Variants in STIM1 observed in about 807,000 individuals in gnomAD.
STIM1 encodes the protein stromal interaction molecule 1.
STIM1 carries 25 observed loss-of-function variants against 74.7 expected under a neutral mutation model. The observed-to-expected ratio is 0.33, with a 90% CI of 0.24 to 0.47. STIM1 has a LOEUF of 0.47. Ranked by LOEUF, STIM1 falls within the 20% of genes least tolerant of loss-of-function variation. The pLI is 1.00. For missense variants in STIM1, 728 were observed against 920.8 expected (o/e 0.79, Z 2.71); for synonymous variants, 328 against 348.8 (o/e 0.94, Z 0.66).
intron 4 of STIM1, chr11:4,058,781 AT>A (rs1301741775): frequency 5.1e-6 from 5 of 985,236 alleles, no homozygotes; most frequent in East Asian, 1.1e-4. Flanking sequence ...GTTAATTAAA[AT>A]TTTTTTTCCT....
At chr11:3,948,932 A>G (rs557166110) in intron 1 of STIM1, among the ~76,000 whole-genome samples, 58 of 152,360 alleles carry the variant, frequency 3.8e-4, no homozygotes, top group African/African-American at 1.3e-3. Flanking sequence ...TAGTTAGACA[A>G]TTACAACAAA....
intron 1 of STIM1, among the ~76,000 whole-genome samples, chr11:3,869,962 C>T (rs1204631597): frequency 6.6e-6 from 1 of 152,020 alleles, no homozygotes; most frequent in East Asian, 1.9e-4. Flanking sequence ...GAGTGTGGGT[C>T]ATGAAGAGAC....
chr11:4,070,039 T>G lies in STIM1; in HGVS notation c.627T>G (p.Asn209Lys). Residue 209 changes from asparagine (N) to lysine (K), a missense_variant, in exon 6 of 13, where the codon AAT becomes AAG. Coordinates refer to ENST00000526596, the MANE Select transcript of STIM1 (RefSeq NM_001382567.1). The part of the protein sequence containing the change: ...LFGPPLLTRH[N>K]HLKDFMLVVS... ...CCTCTCTGGCAGTGACTCGCCATAA[T>G]CACCTCAAGGACTTCATGCTGGTGG... 6.2e-7 allele frequency: 1 copy of G among 1,614,156 alleles called. No homozygotes were observed.
intron 3 of STIM1, among the ~76,000 whole-genome samples, chr11:4,028,727 A>C (rs903391309): frequency 6.6e-6 from 1 of 152,056 alleles, no homozygotes; most frequent in Admixed American, 6.6e-5. Flanking sequence ...CTTAAGTGGT[A>C]ATTTCTTTCC....
At chr11:4,009,233 T>G (rs1291287185) in intron 2 of STIM1, among the ~76,000 whole-genome samples, 1 of 151,144 alleles carries the variant, frequency 6.6e-6, no homozygotes, top group African/African-American at 2.4e-5. Context: ...AGGCGGAGCT[T>G]GCAGTGAGCT....
intron 1 of STIM1, among the ~76,000 whole-genome samples, chr11:3,908,832 T>C (rs1360749169): frequency 6.6e-6 from 1 of 152,162 alleles, no homozygotes; most frequent in Non-Finnish European, 1.5e-5. Flanking sequence ...CATTGCTCAT[T>C]CACTCACTTG....
chr11:4,005,301 G>C (rs1243159644), intron 2 of STIM1, among the ~76,000 whole-genome samples: 2 of 152,060 alleles, frequency 1.3e-5, no homozygotes, highest in South Asian at 2.1e-4. Flanking sequence ...TATTGTGGCA[G>C]TATTCACAAT....
chr11:3,883,318 A>G (rs1390508872), intron 1 of STIM1, among the ~76,000 whole-genome samples: 3 of 151,848 alleles, frequency 2.0e-5, no homozygotes, highest in Non-Finnish European at 4.4e-5. Context: ...GCTCCCTTCT[A>G]TGAACATCTC....
At chr11:4,088,321 A>T (rs2094504657) in intron 12 of STIM1, among the ~76,000 whole-genome samples, 1 of 152,104 alleles carries the variant, frequency 6.6e-6, no homozygotes, top group Non-Finnish European at 1.5e-5. Context: ...TCTGGGCTGC[A>T]GTCTGCTTAC....
intron 8 of STIM1, 80 bp from the exon 9 acceptor site, chr11:4,082,802 C>T: frequency 8.4e-7 from 1 of 1,189,704 alleles, no homozygotes; most frequent in Non-Finnish European, 1.3e-6. Context: ...GAGTGGGCCC[C>T]AGCCATAGGG....
intron 3 of STIM1, among the ~76,000 whole-genome samples, chr11:4,048,579 G>C (rs190909371): frequency 1.4e-3 from 209 of 152,134 alleles, no homozygotes; most frequent in African/African-American, 4.4e-3. Flanking sequence ...TTTGATTCAT[G>C]ATCTCATTTG....
At chr11:4,088,386 G>T (rs1337009330) in intron 12 of STIM1, among the ~76,000 whole-genome samples, 1 of 152,090 alleles carries the variant, frequency 6.6e-6, no homozygotes, top group Non-Finnish European at 1.5e-5. Context: ...ATTCAGCTCT[G>T]CCCCTTAAAC....
At chr11:4,090,247 T>C (rs1032347576) in intron 12 of STIM1, among the ~76,000 whole-genome samples, 1 of 152,176 alleles carries the variant, frequency 6.6e-6, no homozygotes, top group African/African-American at 2.4e-5. Context: ...ATAAATTGAA[T>C]TGGTATTATC....
At chr11:3,916,407 C>A (rs1029138939) in intron 1 of STIM1, among the ~76,000 whole-genome samples, 2 of 151,746 alleles carry the variant, frequency 1.3e-5, no homozygotes. Context: ...CCTGTCTCAG[C>A]CTCCTGAGTA....
intron 1 of STIM1, among the ~76,000 whole-genome samples, chr11:3,955,425 A>C (rs1206955171): frequency 6.6e-6 from 1 of 152,192 alleles, no homozygotes. Flanking sequence ...AAAAACAGGT[A>C]AAACTCGTCT....
chr11:3,868,483 T>G (rs967069695), intron 1 of STIM1, among the ~76,000 whole-genome samples: 2 of 152,216 alleles, frequency 1.3e-5, no homozygotes, highest in African/African-American at 2.4e-5. Context: ...CTATTTTTGT[T>G]TAATAACTTG....
intron 1 of STIM1, among the ~76,000 whole-genome samples, chr11:3,874,077 G>A (rs1390834359): frequency 6.6e-6 from 1 of 152,132 alleles, no homozygotes; most frequent in African/African-American, 2.4e-5. Context: ...GGGGAGCTGA[G>A]GAGTGGGTTT....
At chr11:3,937,732 A>G (rs768670527) in intron 1 of STIM1, among the ~76,000 whole-genome samples, 38 of 152,080 alleles carry the variant, frequency 2.5e-4, no homozygotes, top group Non-Finnish European at 5.0e-4. Flanking sequence ...CATCCACTGG[A>G]GGAGGAAACC....
At chr11:4,059,029 G>C (rs1210673929) in intron 4 of STIM1, 2 of 984,204 alleles carry the variant, frequency 2.0e-6, no homozygotes, top group Non-Finnish European at 1.4e-6. Context: ...GTCACAGACA[G>C]GTAATCCTTA....
Sources: gnomAD v4.1 joint callset for allele counts (sites outside exome capture counted in the v4.1 genomes callset) on GRCh38, gnomAD v4.1.1 for gene constraint, MANE v1.5 for transcripts, NCBI Gene and HGNC (gene_info 2026-07-23, HGNC 2026-07-21) for gene names.